Variants in ULK4 observed in about 807,000 individuals in gnomAD.
The protein encoded by ULK4 is inactive serine/threonine-protein kinase ULK4.
Under a neutral mutation model 160.6 loss-of-function variants are expected in ULK4, and 133 were observed. The ratio of observed to expected loss-of-function variants is 0.83; its 90% CI spans 0.72 to 0.96. The LOEUF is 0.96. ULK4 is among the 40% of genes least tolerant of loss of function. The pLI is 0.00. For missense variants in ULK4, 1,580 were observed against 1,499.5 expected, an observed-to-expected ratio of 1.05 and a Z score of -0.89; for synonymous variants, 534 against 539.8, an observed-to-expected ratio of 0.99 and a Z score of 0.15.
chr3:41,788,374 A>T (rs1027968292), intron 21 of ULK4, among the ~76,000 whole-genome samples: 1 of 152,202 alleles, frequency 6.6e-6, no homozygotes, highest in Non-Finnish European at 1.5e-5. Flanking sequence ...CATGTTTTGC[A>T]AAACTCTGAA....
chr3:41,838,613 A>C (rs1184341036), intron 17 of ULK4, among the ~76,000 whole-genome samples: 1 of 152,228 alleles, frequency 6.6e-6, no homozygotes, highest in Non-Finnish European at 1.5e-5. Flanking sequence ...AACAAACAGA[A>C]AACAAAAATA....
At chr3:41,873,233 T>TA (rs1331478480) in intron 17 of ULK4, among the ~76,000 whole-genome samples, 13 of 149,752 alleles carry the variant, frequency 8.7e-5, no homozygotes, top group African/African-American at 3.3e-4. Context: ...TCTTTTTTTT[T>TA]TTTTTTTTTT....
At chr3:41,442,841 T>C (rs2083205335) in intron 34 of ULK4, among the ~76,000 whole-genome samples, 3 of 152,176 alleles carry the variant, frequency 2.0e-5, no homozygotes, top group Non-Finnish European at 4.4e-5. Flanking sequence ...CTCTGTAACG[T>C]GAAACATTAA....
intron 32 of ULK4, among the ~76,000 whole-genome samples, chr3:41,487,786 A>G (rs528935299): frequency 7.2e-5 from 11 of 152,366 alleles, no homozygotes; most frequent in African/African-American, 2.6e-4. Flanking sequence ...ACAATAAAAA[A>G]GTTTCTAATT....
intron 32 of ULK4, among the ~76,000 whole-genome samples, chr3:41,492,634 A>G (rs2084825342): frequency 6.6e-6 from 1 of 151,572 alleles, no homozygotes; most frequent in Non-Finnish European, 1.5e-5. Flanking sequence ...CAGACTGGCA[A>G]ATTGGATAAA....
intron 22 of ULK4, among the ~76,000 whole-genome samples, chr3:41,751,431 G>A (rs968945052): frequency 2.6e-5 from 4 of 152,138 alleles, no homozygotes; most frequent in Admixed American, 1.3e-4. Context: ...ACACAGTGCA[G>A]GAAAAATGGA....
At chr3:41,577,221 T>A (rs942359659) in intron 31 of ULK4, among the ~76,000 whole-genome samples, 6 of 152,218 alleles carry the variant, frequency 3.9e-5, no homozygotes, top group African/African-American at 1.4e-4. Flanking sequence ...CAAGCCCAGT[T>A]CTAAGCCTTG....
intron 34 of ULK4, among the ~76,000 whole-genome samples, chr3:41,429,713 G>C (rs749419084): frequency 1.3e-5 from 2 of 151,798 alleles, no homozygotes; most frequent in Non-Finnish European, 2.9e-5. Context: ...CAATGGGAGA[G>C]GAACAACACA....
rs1698788243 is a variant in ULK4 at position 41,911,601 on chromosome 3, G to C, written c.955C>G (p.Gln319Glu). The C allele has an allele frequency of 1.2e-6, 2 of 1,613,970 alleles. No individual in the cohort carries two copies. Among genetic ancestry groups the C allele is most frequent in the Non-Finnish European group, 1.7e-6 (2 of 1,180,010 alleles). Residue 319 changes from glutamine (Q) to glutamate (E), a missense_variant, in exon 10 of 37, where the codon CAG (glutamine) becomes GAG (glutamate). Transcript: ENST00000301831. ...QDSKELLQNS[Q>E]SRQAKGHKSG... ...TTGTGCCCTTTTGCTTGTCTACTCT[G>C]AGAGTTCTGCAAAAGCTCCTTGGAA...
chr3:41,502,421 C>T (rs775099622), intron 32 of ULK4, among the ~76,000 whole-genome samples: 1 of 152,134 alleles, frequency 6.6e-6, no homozygotes, highest in African/African-American at 2.4e-5. Context: ...AGCACATTTA[C>T]CATATAACCC....
intron 17 of ULK4, among the ~76,000 whole-genome samples, chr3:41,845,628 T>C (rs1466159200): frequency 1.3e-5 from 2 of 152,212 alleles, no homozygotes; most frequent in Non-Finnish European, 2.9e-5. Flanking sequence ...AATATTCTGG[T>C]TGTAAAATTG....
chr3:41,499,679 C>T (rs1490785525), intron 32 of ULK4, among the ~76,000 whole-genome samples: 2 of 152,042 alleles, frequency 1.3e-5, no homozygotes, highest in Admixed American at 6.6e-5. Flanking sequence ...TACGCAAAGG[C>T]CTGCCAACTT....
intron 35 of ULK4, among the ~76,000 whole-genome samples, chr3:41,293,805 G>A (rs2079618103): frequency 6.6e-6 from 1 of 152,170 alleles, no homozygotes; most frequent in African/African-American, 2.4e-5. Flanking sequence ...TATATAAAGT[G>A]CCATGGAGCC....
chr3:41,408,377 G>A (rs538379523), intron 34 of ULK4, among the ~76,000 whole-genome samples: 26 of 135,426 alleles, frequency 1.9e-4, no homozygotes, highest in Middle Eastern at 9.5e-3. Flanking sequence ...GCAATGAGCC[G>A]AGATCGCACC....
chr3:41,873,224 CTTTTTTTTTT>C (rs1173793427), intron 17 of ULK4, among the ~76,000 whole-genome samples: 2 of 106,318 alleles, frequency 1.9e-5, no homozygotes, highest in South Asian at 5.6e-4. Context: ...AGTTGCCTTT[CTTTTTTTTTT>C]TTTTTTTTTG....
intron 21 of ULK4, among the ~76,000 whole-genome samples, chr3:41,757,525 C>T (rs998967328): frequency 2.7e-5 from 4 of 147,318 alleles, no homozygotes; most frequent in African/African-American, 1.0e-4. Flanking sequence ...CCAGCTACTC[C>T]GGAGGCTGAG....
chr3:41,851,773 A>C (rs1284610893), intron 17 of ULK4, among the ~76,000 whole-genome samples: 2 of 152,166 alleles, frequency 1.3e-5, no homozygotes, highest in Non-Finnish European at 2.9e-5. Context: ...TTATAGCACT[A>C]AATGCCCACA....
At chr3:41,754,337 T>C (rs1362892139) in intron 22 of ULK4, 24 bp downstream of exon 22, 4 of 1,603,814 alleles carry the variant, frequency 2.5e-6, no homozygotes, top group African/African-American at 2.7e-5. Flanking sequence ...AAGTTACTGA[T>C]GAAACCATCA....
chr3:41,334,473 AT>A (rs2080512298), intron 35 of ULK4, among the ~76,000 whole-genome samples: 2 of 152,004 alleles, frequency 1.3e-5, no homozygotes, highest in Non-Finnish European at 2.9e-5. Flanking sequence ...TTTATGGGCT[AT>A]TTTTCTGCAC....
Sources: gnomAD v4.1 joint callset for allele counts (sites outside exome capture counted in the v4.1 genomes callset) on GRCh38, gnomAD v4.1.1 for gene constraint, MANE v1.5 for transcripts, NCBI Gene and HGNC (gene_info 2026-07-23, HGNC 2026-07-21) for gene names.